The following ERMP1 variants were observed in gnomAD, a reference collection of about 807,000 sequenced individuals.
ERMP1 encodes endoplasmic reticulum metallopeptidase 1, also known as Felix-ina.
A neutral mutation model predicts 92.0 loss-of-function variants in ERMP1; 86 were observed. The observed-to-expected ratio is 0.93, with a 90% CI of 0.79 to 1.12. The LOEUF (loss-of-function observed/expected upper bound fraction) is 1.12, where lower values mean the gene tolerates loss of function less well. ERMP1 is among the 50% of genes most tolerant of loss of function. The pLI is 0.00. For missense variants in ERMP1, 1,342 were observed against 1,116.3 expected, an observed-to-expected ratio of 1.20 and a Z score of -2.88; for synonymous variants, 530 against 412.8, an observed-to-expected ratio of 1.28 and a Z score of -3.44.
intron 2 of ERMP1, among the ~76,000 whole-genome samples, chr9:5,830,292 A>G (rs1317177759): frequency 6.6e-6 from 1 of 152,106 alleles, no homozygotes. Flanking sequence ...AAAAGATTGG[A>G]CACCCCTGCT....
chr9:5,853,621 G>T (rs1364295779), intron 6 of ERMP1, among the ~76,000 whole-genome samples: 1 of 151,950 alleles, frequency 6.6e-6, no homozygotes, highest in Non-Finnish European at 1.5e-5. Flanking sequence ...AGGCAGATGG[G>T]AGTTAGAGAG....
chr9:5,811,278 A>C lies in ERMP1; in HGVS notation c.1160T>G (p.Met387Arg). Reference sequence around the variant, plus strand: ...TCGATACTTAGAAGCAGCAGCCAGCATATCAGATGTAGCTAGATGCTTAAG... The same window carrying C: ...TCGATACTTAGAAGCAGCAGCCAGCCTATCAGATGTAGCTAGATGCTTAAG... ...AVLKHLATSD[M>R]LAAASKYRHG... The change falls in exon 7 of 15, where the codon ATG (methionine) becomes AGG (arginine). Residue 387 changes from methionine to arginine, a missense_variant. Transcript: ENST00000339450. 1.9e-6 allele frequency: 3 copies of C among 1,614,098 alleles called. No homozygotes were observed. The highest frequency in any genetic ancestry group is 2.5e-6 in the Non-Finnish European group (3 of 1,179,974).
intron 6 of ERMP1, among the ~76,000 whole-genome samples, chr9:5,843,842 C>T (rs1361452887): frequency 6.6e-6 from 1 of 152,188 alleles, no homozygotes; most frequent in African/African-American, 2.4e-5. Flanking sequence ...GGCAGAGTTA[C>T]AGCCCTCCTG....
At chr9:5,861,197 G>GTA (rs201972144) in intron 5 of ERMP1, among the ~76,000 whole-genome samples, 2,912 of 148,724 alleles carry the variant, frequency 0.02, 105 homozygotes, top group African/African-American at 0.067. Flanking sequence ...GTGTGTGTGT[G>GTA]TGTGTGTGTG....
Position 5,810,158 on chromosome 9 carries a change from G to A in ERMP1, c.1401C>T (p.Thr467=), listed in dbSNP as rs374382599. The change falls in exon 8 of 15, where the codon ACC becomes ACT. Residue 467 remains threonine, a synonymous_variant. Transcript: ENST00000339450. ...TLISWFTSLV[T]VLIIAVFISL... is the part of the protein sequence containing the mutation. ...AGATGAACACTGCTATAATGAGAAC[G>A]GTAACAAGGCTAGTGAACCAGCTGA... The A allele has an allele frequency of 7.4e-6, 12 of 1,613,856 alleles. No individual in the cohort carries two copies. The highest frequency in any genetic ancestry group is 2.7e-5 in the African/African-American group (2 of 74,886).
intron 5 of ERMP1, among the ~76,000 whole-genome samples, chr9:5,863,312 C>G (rs372657677): frequency 6.6e-6 from 1 of 152,176 alleles, no homozygotes; most frequent in Admixed American, 6.5e-5. Context: ...TTAAAGTAGA[C>G]GATGCCAGAA....
At chr9:5,865,419 A>G (rs1337516811) in intron 5 of ERMP1, among the ~76,000 whole-genome samples, 1 of 151,954 alleles carries the variant, frequency 6.6e-6, no homozygotes. Context: ...GAGGCAGGAG[A>G]ATGGCGTGAG....
chr9:5,829,344 T>C (rs936313960), intron 2 of ERMP1, among the ~76,000 whole-genome samples: 2 of 152,164 alleles, frequency 1.3e-5, no homozygotes, highest in African/African-American at 2.4e-5. Flanking sequence ...CTAAACGCAA[T>C]TGTCAAGCTT....
At chr9:5,803,209 C>G (rs1488940487) in intron 10 of ERMP1, among the ~76,000 whole-genome samples, 2 of 152,134 alleles carry the variant, frequency 1.3e-5, no homozygotes, top group Non-Finnish European at 2.9e-5. Flanking sequence ...TATTAATAAG[C>G]CACTATCATT....
chr9:5,810,449 T>A (rs899232623), intron 7 of ERMP1, among the ~76,000 whole-genome samples: 1 of 152,190 alleles, frequency 6.6e-6, no homozygotes, highest in Admixed American at 6.5e-5. Flanking sequence ...CTCTAGATAC[T>A]AAACACTCAA....
intron 2 of ERMP1, among the ~76,000 whole-genome samples, chr9:5,828,154 A>C (rs1281710047): frequency 1.3e-5 from 2 of 152,232 alleles, no homozygotes; most frequent in Non-Finnish European, 2.9e-5. Flanking sequence ...ACATAATAAT[A>C]AAAAGTGGGT....
At chr9:5,837,459 C>T (rs1563777503), upstream of ERMP1, among the ~76,000 whole-genome samples, 2 of 151,982 alleles carry the variant, frequency 1.3e-5, no homozygotes, top group South Asian at 4.2e-4. Flanking sequence ...CTCAAAAGTA[C>T]AAGGACTCTT....
chr9:5,861,195 G>GTGTA (rs1554630213), intron 5 of ERMP1, among the ~76,000 whole-genome samples: 81 of 107,974 alleles, frequency 7.5e-4, no homozygotes, highest in African/African-American at 2.3e-3. Flanking sequence ...GTGTGTGTGT[G>GTGTA]TGTGTGTGTG....
chr9:5,850,754 C>T (rs142415002), intron 6 of ERMP1, among the ~76,000 whole-genome samples: 1,710 of 152,284 alleles, frequency 0.011, 39 homozygotes, highest in African/African-American at 0.039. Context: ...TTCTAATGTG[C>T]AGTCAGAGTT....
chr9:5,808,131 T>G (rs1357793945), intron 8 of ERMP1, among the ~76,000 whole-genome samples: 1 of 152,222 alleles, frequency 6.6e-6, no homozygotes, highest in Non-Finnish European at 1.5e-5. Context: ...TCTCTTATGG[T>G]ATCATTCTTC....
At chr9:5,798,666 AG>A (rs1828545350) in intron 12 of ERMP1, 139 bp downstream of exon 12, 2 of 569,970 alleles carry the variant, frequency 3.5e-6, no homozygotes, top group Non-Finnish European at 3.0e-6. Flanking sequence ...AAAAAAAAAA[AG>A]TTTCATAATG....
chr9:5,795,548 G>A (rs1828388756), intron 13 of ERMP1, among the ~76,000 whole-genome samples: 1 of 152,220 alleles, frequency 6.6e-6, no homozygotes, highest in Admixed American at 6.5e-5. Context: ...GAGAGGCTGA[G>A]GCAGGCGGAT....
chr9:5,851,149 C>T (rs1016978561), intron 6 of ERMP1, among the ~76,000 whole-genome samples: 7 of 152,316 alleles, frequency 4.6e-5, no homozygotes, highest in East Asian at 1.9e-4. Context: ...CAAGATGTTT[C>T]CAATTTGTGA....
intron 5 of ERMP1, among the ~76,000 whole-genome samples, chr9:5,865,381 GC>G (rs1412728218): frequency 6.6e-6 from 1 of 151,998 alleles, no homozygotes; most frequent in Non-Finnish European, 1.5e-5. Flanking sequence ...GGTGGCAGGC[GC>G]CTGTAGTCCC....
Sources: allele counts gnomAD v4.1 joint callset (sites outside exome capture counted in the v4.1 genomes callset), GRCh38; gene constraint gnomAD v4.1.1; transcripts MANE v1.5; gene names NCBI Gene and HGNC (gene_info 2026-07-23, HGNC 2026-07-21).